The following SNX30 variants were observed in gnomAD, a reference collection of about 807,000 sequenced individuals.
SNX30 encodes sorting nexin family member 30, also known as sorting nexin-30.
A neutral mutation model predicts 46.4 loss-of-function variants in SNX30; 24 were observed. The observed-to-expected ratio is 0.52, with a 90% CI of 0.37 to 0.73. SNX30 has a LOEUF of 0.73. Among genes scored for constraint, SNX30 ranks in the 30% least tolerant of loss-of-function variants. SNX30 has a pLI of 0.00. For missense variants in SNX30, 533 were observed against 555.7 expected (o/e 0.96, Z 0.41); for synonymous variants, 189 against 211.5 (o/e 0.89, Z 0.92).
At chr9:112,855,833 C>T (rs1266895944) in intron 7 of SNX30, among the ~76,000 whole-genome samples, 1 of 152,180 alleles carries the variant, frequency 6.6e-6, no homozygotes, top group East Asian at 1.9e-4. Flanking sequence ...ACTTACTTAG[C>T]AGGGGCTGGC....
chr9:112,775,179 G>A (rs893278086), intron 1 of SNX30, among the ~76,000 whole-genome samples: 10 of 137,504 alleles, frequency 7.3e-5, no homozygotes, highest in Non-Finnish European at 1.5e-4. Flanking sequence ...TTTTGAGACG[G>A]AGTTTTACTC....
At chr9:112,752,114 C>T (rs1486672881) in intron 1 of SNX30, among the ~76,000 whole-genome samples, 1 of 152,124 alleles carries the variant, frequency 6.6e-6, no homozygotes, top group Non-Finnish European at 1.5e-5. Context: ...TTAATGGGAG[C>T]AGGGGACCTA....
At chr9:112,882,530 G>A (rs1044456911), downstream of SNX30, among the ~76,000 whole-genome samples, 1 of 152,220 alleles carries the variant, frequency 6.6e-6, no homozygotes, top group Non-Finnish European at 1.5e-5. Flanking sequence ...GAGGATGGGA[G>A]TGGAGAACAA....
chr9:112,790,436 TC>T (rs1840001007), intron 1 of SNX30, among the ~76,000 whole-genome samples: 1 of 152,182 alleles, frequency 6.6e-6, no homozygotes, highest in Admixed American at 6.5e-5. Flanking sequence ...CTGCAAGTCT[TC>T]CCATTCCAAA....
At chr9:112,786,133 T>C (rs990593139) in intron 1 of SNX30, among the ~76,000 whole-genome samples, 5 of 107,230 alleles carry the variant, frequency 4.7e-5, no homozygotes, top group Admixed American at 9.6e-5. Context: ...TTTTTTTTTT[T>C]TGGAGACAAG....
At chr9:112,804,725 A>T in intron 1 of SNX30, 51 bp from the exon 2 acceptor site, 1 of 1,362,054 alleles carries the variant, frequency 7.3e-7, no homozygotes, top group Non-Finnish European at 9.5e-7. Flanking sequence ...TTTTGCTGAT[A>T]CTCTCCAGTA....
chr9:112,766,386 C>G (rs926317645), intron 1 of SNX30, among the ~76,000 whole-genome samples: 5 of 151,782 alleles, frequency 3.3e-5, no homozygotes, highest in African/African-American at 1.2e-4. Flanking sequence ...ACATTAAATA[C>G]AATTTATGAC....
At chr9:112,826,418 G>A (rs1186996145) in intron 3 of SNX30, among the ~76,000 whole-genome samples, 1 of 152,106 alleles carries the variant, frequency 6.6e-6, no homozygotes, top group East Asian at 1.9e-4. Flanking sequence ...GAAGGACAAG[G>A]GAGAAGATAT....
chr9:112,751,734 T>G (rs1839281019), intron 1 of SNX30, among the ~76,000 whole-genome samples: 1 of 152,190 alleles, frequency 6.6e-6, no homozygotes. Context: ...TGTGGTTTTC[T>G]GTCTGGGGCT....
chr9:112,751,167 C>G lies in SNX30; in HGVS notation c.156+10C>G. 2.7e-6 allele frequency: 4 copies of G among 1,498,142 alleles called. No homozygotes were observed. Among genetic ancestry groups the G allele is most frequent in the Non-Finnish European group, 3.5e-6 (4 of 1,127,648 alleles). 92.8% of individuals were successfully genotyped at this position (1,498,142 alleles called of 1,614,324 possible). A position where few individuals can be genotyped will look rare whatever the true frequency, so the allele number is the denominator to read the frequency against. On this transcript the variant is annotated intron_variant, in intron 1 of 8. Coordinates refer to ENST00000374232, the MANE Select transcript of SNX30 (RefSeq NM_001012994.2). ...CAGCTTCGGTGACAAGGTGGGGCGC[C>G]TGGGGCCGGGGAGTGGGAGGCTTAT...
Position 112,869,138 on chromosome 9 carries a change from C to T in SNX30, c.*295C>T, listed in dbSNP as rs10114602. On this transcript the variant is annotated 3_prime_UTR_variant, in exon 9 of 9. Coordinates refer to ENST00000374232, the MANE Select transcript of SNX30 (RefSeq NM_001012994.2). ...ATTTGAAACCAAGGGACAAGACAAC[C>T]TGCAGCTGACGCTCTGACATTTCAT... is the stretch of plus-strand genomic sequence containing the variant. The T allele has an allele frequency of 0.84, 298,044 of 352,742 alleles. 127,234 individuals carry two copies. The highest frequency in any genetic ancestry group is 0.9 in the Non-Finnish European group (168,751 of 187,228). The allele number at this position is 352,742 out of a possible 1,614,324, so 21.9% of individuals were successfully genotyped here. A position where few individuals can be genotyped will look rare whatever the true frequency, so the allele number is the denominator to read the frequency against.
chr9:112,807,309 G>T lies in SNX30; in HGVS notation c.348+2342G>T, dbSNP rs1055468920. Among the ~76,000 whole-genome samples the T allele has an allele frequency of 3.0e-4, 46 of 151,976 alleles. 1 individual carries two copies. Among genetic ancestry groups the T allele is most frequent in the African/African-American group, 1.0e-3 (43 of 41,376 alleles). On this transcript the variant is annotated intron_variant, in intron 2 of 8. Transcript: ENST00000374232. ...TTGAACTCCTGGTGTCAGGTGATCT[G>T]CCCGCCTGGGCCTCCCAAAGTGCTG...
intron 1 of SNX30, among the ~76,000 whole-genome samples, chr9:112,783,161 GT>G (rs1345943577): frequency 2.0e-5 from 3 of 152,218 alleles, no homozygotes; most frequent in Non-Finnish European, 1.5e-5. Flanking sequence ...GTAGTTGGGG[GT>G]TTCTTGTCCG....
At chr9:112,778,573 G>A (rs1320972024) in intron 1 of SNX30, among the ~76,000 whole-genome samples, 1 of 151,970 alleles carries the variant, frequency 6.6e-6, no homozygotes, top group African/African-American at 2.4e-5. Context: ...CGCCCGGCCC[G>A]GCCATATTCT....
chr9:112,770,289 A>G (rs1305699019), intron 1 of SNX30, among the ~76,000 whole-genome samples: 1 of 151,898 alleles, frequency 6.6e-6, no homozygotes, highest in Non-Finnish European at 1.5e-5. Context: ...CTCCTGCCTC[A>G]GCCTCCCGAG....
At chr9:112,843,676 C>T (rs1240411905) in intron 6 of SNX30, among the ~76,000 whole-genome samples, 5 of 133,752 alleles carry the variant, frequency 3.7e-5, no homozygotes, top group African/African-American at 8.3e-5. Flanking sequence ...GCCCAGGCTG[C>T]GTGATCTCAG....
Position 112,869,764 on chromosome 9 carries a change from C to T in SNX30, c.*921C>T, listed in dbSNP as rs1245486244. The stretch of plus-strand genomic sequence containing the variant: ...ATCAGTGGGCATATACCAAGCTCCA[C>T]CCCCAGTGTCAGCTTTGTGCAATTT... On this transcript the variant is annotated 3_prime_UTR_variant, in exon 9 of 9. Transcript: ENST00000374232. The T allele has an allele frequency of 6.6e-6, 1 of 152,070 alleles. No homozygotes were observed. The highest frequency in any genetic ancestry group is 2.1e-4 in the South Asian group (1 of 4,818). The allele number at this position is 152,070 out of a possible 1,614,324, so 9.4% of individuals were successfully genotyped here.
intron 1 of SNX30, among the ~76,000 whole-genome samples, chr9:112,773,758 A>G (rs916395599): frequency 9.2e-5 from 14 of 152,226 alleles, no homozygotes; most frequent in African/African-American, 2.7e-4. Context: ...TTCATTTACT[A>G]TAAATTATGA....
At chr9:112,838,036 G>C (rs953932113) in intron 5 of SNX30, among the ~76,000 whole-genome samples, 2 of 151,246 alleles carry the variant, frequency 1.3e-5, no homozygotes, top group Non-Finnish European at 2.9e-5. Context: ...GACTATAGGC[G>C]CCTGCCACCA....
Sources: allele counts gnomAD v4.1 joint callset (sites outside exome capture counted in the v4.1 genomes callset), GRCh38; gene constraint gnomAD v4.1.1; transcripts MANE v1.5; gene names NCBI Gene and HGNC (gene_info 2026-07-23, HGNC 2026-07-21).